GOSR2: variants seen among roughly 807,000 people sequenced by gnomAD.
GOSR2 encodes the protein 27 kDa Golgi SNARE protein.
In GOSR2, 20 loss-of-function variants were observed where a neutral mutation model predicts 27.9. That is an observed-to-expected ratio of 0.72 (90% CI 0.50 to 1.04). GOSR2 has a LOEUF of 1.04. Ranked by LOEUF, GOSR2 falls within the 50% of genes least tolerant of loss-of-function variation. GOSR2 has a pLI of 0.00. For missense variants in GOSR2, 261 were observed against 270.5 expected, an observed-to-expected ratio of 0.97 and a Z score of 0.25; for synonymous variants, 91 against 98.8, an observed-to-expected ratio of 0.92 and a Z score of 0.47.
At chr17:46,971,268 C>T (rs1391762138), downstream of GOSR2, among the ~76,000 whole-genome samples, 2 of 152,096 alleles carry the variant, frequency 1.3e-5, no homozygotes, top group Non-Finnish European at 2.9e-5. Context: ...ACTTGGGAGG[C>T]AGAGGTTGCA....
chr17:46,936,083 A>G (rs983551048), intron 5 of GOSR2: 251 of 985,734 alleles, frequency 2.5e-4, no homozygotes, highest in Non-Finnish European at 3.0e-4. Context: ...GCAAGCTGCA[A>G]GTGACACTCA....
intron 6 of GOSR2, among the ~76,000 whole-genome samples, chr17:46,960,310 T>C (rs917869153): frequency 3.3e-5 from 5 of 152,182 alleles, no homozygotes; most frequent in Non-Finnish European, 7.3e-5. Flanking sequence ...CACTACACAC[T>C]TGGCATACAT....
rs1000670523 is a variant in GOSR2, at chr17:46,941,952, AGAT to A, written c.*3196_*3198del. ...CCTAGACAGAAAGCTTCTGTCTCAA[AGAT>A]GATCACATTGGTGTAAAGAGCAAAA... On this transcript the variant is annotated 3_prime_UTR_variant, in exon 6 of 6. Coordinates refer to ENST00000640051, the MANE Select transcript of GOSR2 (RefSeq NM_004287.5). The A allele has an allele frequency of 5.1e-6, 5 of 985,172 alleles. No individual in the cohort carries two copies. The Admixed American group carries it at 3.1e-4, about 61-fold the overall frequency. 61.0% of individuals were successfully genotyped at this position (985,172 alleles called of 1,614,324 possible). A position where few individuals can be genotyped will look rare whatever the true frequency, so the allele number is the denominator to read the frequency against.
intron 1 of GOSR2, chr17:46,923,991 A>G (rs865956362): frequency 7.6e-6 from 3 of 397,030 alleles, no homozygotes; most frequent in South Asian, 1.3e-4. Flanking sequence ...TATACACAAC[A>G]TAAGATTTAC....
At chr17:46,971,687 C>T (rs1311868485), downstream of GOSR2, among the ~76,000 whole-genome samples, 3 of 152,288 alleles carry the variant, frequency 2.0e-5, no homozygotes, top group Non-Finnish European at 2.9e-5. Flanking sequence ...GAAGGTGAAG[C>T]GACTTTCTCT....
intron 6 of GOSR2, among the ~76,000 whole-genome samples, chr17:46,972,241 C>G (rs1032686733): frequency 6.6e-6 from 1 of 152,196 alleles, no homozygotes. Context: ...CCCGCTTCTT[C>G]CTCCTCTCTT....
chr17:46,946,320 G>C (rs922353765), downstream of GOSR2, among the ~76,000 whole-genome samples: 1 of 150,902 alleles, frequency 6.6e-6, no homozygotes, highest in East Asian at 1.9e-4. Flanking sequence ...AAAATGCCAG[G>C]AGTGGTGGCG....
chr17:46,975,148 A>G (rs1266990942), intron 6 of GOSR2: 1 of 152,156 alleles, frequency 6.6e-6, no homozygotes, highest in Non-Finnish European at 1.5e-5. Context: ...GGCTTCTTCA[A>G]ACACATCATG....
At chr17:46,953,588 G>A (rs1389553388) in intron 6 of GOSR2, among the ~76,000 whole-genome samples, 1 of 152,140 alleles carries the variant, frequency 6.6e-6, no homozygotes, top group African/African-American at 2.4e-5. Context: ...GGGTCAAATG[G>A]TATTTCTAGT....
At position 46,932,098 on chromosome 17, in the gene GOSR2, C is replaced by A; in HGVS notation, c.235C>A (p.His79Asn). 6.2e-7 allele frequency: 1 copy of A among 1,613,298 alleles called. No homozygotes were observed. The highest frequency in any genetic ancestry group is 8.5e-7 in the Non-Finnish European group (1 of 1,179,254). Residue 79 changes from histidine to asparagine, a missense_variant, in exon 4 of 6, where the codon CAC (histidine) becomes AAC (asparagine). Transcript: ENST00000640051. ...RVDQLKYDVQHLQTALRNFQH... is the reference protein window; with the variant it reads ...RVDQLKYDVQNLQTALRNFQH... ...TGACCAGTTAAAGTATGATGTCCAG[C>A]ACCTGCAGACTGCGCTCAGAAACTT...
chr17:46,933,693 C>T (rs149399757), intron 4 of GOSR2: 3 of 146,594 alleles, frequency 2.0e-5, no homozygotes, highest in African/African-American at 5.1e-5. Context: ...ACTAGTGGAG[C>T]AGGGCACAAT....
At chr17:46,958,713 G>A (rs925694969) in intron 6 of GOSR2, among the ~76,000 whole-genome samples, 1 of 152,228 alleles carries the variant, frequency 6.6e-6, no homozygotes, top group African/African-American at 2.4e-5. Context: ...TCCTCACAGG[G>A]GCACAGTGAG....
intron 1 of GOSR2, among the ~76,000 whole-genome samples, chr17:46,927,213 TA>T (rs199949418): frequency 7.2e-5 from 11 of 152,030 alleles, no homozygotes; most frequent in African/African-American, 1.9e-4. Context: ...TTTTTTCATT[TA>T]AAAAAAATGC....
chr17:46,952,406 A>G (rs1311225133), intron 6 of GOSR2, among the ~76,000 whole-genome samples: 3 of 152,084 alleles, frequency 2.0e-5, no homozygotes, highest in Non-Finnish European at 4.4e-5. Context: ...TTCCTGACCA[A>G]CATCCATTCC....
chr17:46,955,947 C>T (rs560309875), intron 6 of GOSR2, among the ~76,000 whole-genome samples: 1 of 152,310 alleles, frequency 6.6e-6, no homozygotes, highest in African/African-American at 2.4e-5. Context: ...ACTCTAATTC[C>T]TTATCCCATT....
At chr17:46,926,883 A>T (rs541533030) in intron 1 of GOSR2, among the ~76,000 whole-genome samples, 1 of 152,314 alleles carries the variant, frequency 6.6e-6, no homozygotes, top group South Asian at 2.1e-4. Flanking sequence ...TGCCATGTAC[A>T]TCTCCTCAGG....
In GOSR2 at chr17:46,941,985, T is replaced by C. The variant is rs899931912; in HGVS notation, c.*3225T>C. The C allele has an allele frequency of 5.1e-6, 5 of 982,236 alleles. No individual in the cohort carries two copies. The highest frequency in any genetic ancestry group is 3.5e-5 in the African/African-American group (2 of 57,186). 60.8% of individuals were successfully genotyped at this position (982,236 alleles called of 1,614,324 possible). A position where few individuals can be genotyped will look rare whatever the true frequency, so the allele number is the denominator to read the frequency against. ...ACATTGGTGTAAAGAGCAAAACTTG[T>C]TAAGTCCAAAATAAATTCTTACTGT... On this transcript the variant is annotated 3_prime_UTR_variant, in exon 6 of 6. Transcript: ENST00000640051.
chr17:46,967,161 C>A (rs933993038), downstream of GOSR2, among the ~76,000 whole-genome samples: 4 of 152,192 alleles, frequency 2.6e-5, no homozygotes, highest in East Asian at 7.7e-4. Flanking sequence ...TAACAGGATG[C>A]AGAGCGAGGC....
intron 4 of GOSR2, chr17:46,932,432 G>A (rs952011705): frequency 3.6e-5 from 22 of 607,346 alleles, no homozygotes; most frequent in Middle Eastern, 4.0e-4. Context: ...AGGGGAATAG[G>A]CAGAGGTGAA....
Sources: gnomAD v4.1 joint callset for allele counts (sites outside exome capture counted in the v4.1 genomes callset) on GRCh38, gnomAD v4.1.1 for gene constraint, MANE v1.5 for transcripts, NCBI Gene and HGNC (gene_info 2026-07-23, HGNC 2026-07-21) for gene names.